Variants in MPP7 observed in about 807,000 individuals in gnomAD.
The protein encoded by MPP7 is MAGUK p55 subfamily member 7.
In MPP7, 60 loss-of-function variants were observed where a neutral mutation model predicts 76.5. That is an observed-to-expected ratio of 0.78 (90% CI 0.64 to 0.97). The LOEUF (loss-of-function observed/expected upper bound fraction) is 0.97, where lower values mean the gene tolerates loss of function less well. Ranked by LOEUF, MPP7 falls within the 50% of genes least tolerant of loss-of-function variation. MPP7 has a pLI of 0.00. For synonymous variants in MPP7, 237 were observed against 244.5 expected (o/e 0.97, Z 0.29); for missense variants, 641 against 694.0 (o/e 0.92, Z 0.86).
At chr10:28,058,742 A>C in intron 14 of MPP7, 139 bp from the exon 15 acceptor site, 1 of 428,448 alleles carries the variant, frequency 2.3e-6, no homozygotes, top group Non-Finnish European at 4.2e-6. Context: ...AACAGAGCCA[A>C]GTATTTCAAA....
chr10:28,248,140 C>T (rs1423139467), intron 1 of MPP7, among the ~76,000 whole-genome samples: 2 of 152,078 alleles, frequency 1.3e-5, no homozygotes, highest in African/African-American at 4.8e-5. Flanking sequence ...CAGAAAAGAG[C>T]ATTTCACAGA....
intron 1 of MPP7, among the ~76,000 whole-genome samples, chr10:28,285,931 C>A (rs1230991789): frequency 6.6e-6 from 1 of 151,902 alleles, no homozygotes; most frequent in African/African-American, 2.4e-5. Context: ...TTGTGATTAT[C>A]TTCATCTTAA....
At chr10:28,273,467 A>C (rs1210837425) in intron 1 of MPP7, among the ~76,000 whole-genome samples, 1 of 152,222 alleles carries the variant, frequency 6.6e-6, no homozygotes, top group Non-Finnish European at 1.5e-5. Context: ...GTGCCGTTAC[A>C]AGGTAAGTGG....
chr10:28,238,531 A>G, intron 2 of MPP7, 37 bp downstream of exon 2: 1 of 1,608,606 alleles, frequency 6.2e-7, no homozygotes. Context: ...ATTTAAGCAA[A>G]GATGGAATGA....
chr10:28,231,804 A>G (rs1316009212), intron 2 of MPP7, among the ~76,000 whole-genome samples: 3 of 152,204 alleles, frequency 2.0e-5, no homozygotes, highest in Non-Finnish European at 4.4e-5. Flanking sequence ...CTACTCAAGT[A>G]AAAGTTAATA....
intron 11 of MPP7, among the ~76,000 whole-genome samples, chr10:28,114,203 C>A (rs536362640): frequency 6.6e-6 from 1 of 152,234 alleles, no homozygotes; most frequent in African/African-American, 2.4e-5. Context: ...TTGAAGCCAG[C>A]AGTTTGAGAT....
intron 1 of MPP7, among the ~76,000 whole-genome samples, chr10:28,267,233 C>A (rs1840175590): frequency 6.6e-6 from 1 of 152,166 alleles, no homozygotes; most frequent in Non-Finnish European, 1.5e-5. Flanking sequence ...TAGTACATTG[C>A]ATCTGGCCTT....
chr10:28,249,546 CTGCAA>C (rs1172719120), intron 1 of MPP7, among the ~76,000 whole-genome samples: 1 of 152,200 alleles, frequency 6.6e-6, no homozygotes, highest in Non-Finnish European at 1.5e-5. Context: ...CTGAGATCCA[CTGCAA>C]TACAGCCTGG....
chr10:28,310,269 T>G (rs1372676653), intron 2 of MPP7, among the ~76,000 whole-genome samples: 1 of 152,178 alleles, frequency 6.6e-6, no homozygotes, highest in Non-Finnish European at 1.5e-5. Context: ...CCCAAAGTGC[T>G]GGGATTACAG....
At chr10:28,111,029 G>A (rs1319889438) in intron 11 of MPP7, among the ~76,000 whole-genome samples, 1 of 152,088 alleles carries the variant, frequency 6.6e-6, no homozygotes, top group Non-Finnish European at 1.5e-5. Flanking sequence ...TAAGTTGATT[G>A]TTATATTCAA....
intron 1 of MPP7, among the ~76,000 whole-genome samples, chr10:28,276,346 TACA>T (rs1159179157): frequency 6.6e-6 from 1 of 152,100 alleles, no homozygotes; most frequent in East Asian, 1.9e-4. Context: ...ACATGCTTTT[TACA>T]ACAAGTATAA....
chr10:28,230,427 A>C (rs1256741562), intron 2 of MPP7, among the ~76,000 whole-genome samples: 5 of 152,192 alleles, frequency 3.3e-5, no homozygotes, highest in Non-Finnish European at 7.3e-5. Context: ...AGAAAAAGAT[A>C]AACTACTCAG....
intron 2 of MPP7, among the ~76,000 whole-genome samples, chr10:28,218,756 A>C (rs1308884969): frequency 6.6e-6 from 1 of 152,178 alleles, no homozygotes; most frequent in African/African-American, 2.4e-5. Context: ...TGTTGTCCAA[A>C]ACAAAATTTA....
chr10:28,223,372 C>T (rs1314281804), intron 2 of MPP7, among the ~76,000 whole-genome samples: 3 of 152,214 alleles, frequency 2.0e-5, no homozygotes, highest in East Asian at 1.9e-4. Flanking sequence ...CCAAACAATG[C>T]GGGGTCCCAA....
chr10:28,142,907 T>A (rs1315727699), intron 5 of MPP7, among the ~76,000 whole-genome samples: 2 of 152,196 alleles, frequency 1.3e-5, no homozygotes, highest in Admixed American at 1.3e-4. Flanking sequence ...ACATTATGTA[T>A]GCCCCAATAA....
At chr10:28,096,309 C>G (rs556847477) in intron 11 of MPP7, among the ~76,000 whole-genome samples, 2 of 152,320 alleles carry the variant, frequency 1.3e-5, no homozygotes, top group African/African-American at 4.8e-5. Flanking sequence ...TCACCATTCT[C>G]TCATCAAAGG....
chr10:28,253,409 C>A (rs1286562333), intron 1 of MPP7, among the ~76,000 whole-genome samples: 3 of 152,058 alleles, frequency 2.0e-5, no homozygotes, highest in Non-Finnish European at 4.4e-5. Context: ...GAAAAGGAGC[C>A]TACAAAAGAT....
At chr10:28,080,252 A>G (rs1852697556) in intron 12 of MPP7, among the ~76,000 whole-genome samples, 1 of 152,160 alleles carries the variant, frequency 6.6e-6, no homozygotes, top group African/African-American at 2.4e-5. Flanking sequence ...TGACTAAAAT[A>G]CTCATCTCAC....
intron 7 of MPP7, among the ~76,000 whole-genome samples, chr10:28,124,642 A>T (rs1588810928): frequency 7.1e-6 from 1 of 140,698 alleles, no homozygotes; most frequent in South Asian, 2.3e-4. Flanking sequence ...CACTTGACTA[A>T]TTTTTTTTTT....
Sources: gnomAD v4.1 joint callset for allele counts (sites outside exome capture counted in the v4.1 genomes callset) on GRCh38, gnomAD v4.1.1 for gene constraint, MANE v1.5 for transcripts, NCBI Gene and HGNC (gene_info 2026-07-23, HGNC 2026-07-21) for gene names.